Variants in SDF4 observed in about 807,000 individuals in gnomAD.
SDF4 encodes stromal cell derived factor 4.
A neutral mutation model predicts 34.2 loss-of-function variants in SDF4; 22 were observed. The ratio of observed to expected loss-of-function variants is 0.64; its 90% CI spans 0.46 to 0.92. SDF4 has a LOEUF of 0.92. Among genes scored for constraint, SDF4 ranks in the 40% least tolerant of loss-of-function variants. The pLI is 0.00. For missense variants in SDF4, 447 were observed against 499.9 expected (o/e 0.89, Z 1.01); for synonymous variants, 236 against 203.1 (o/e 1.16, Z -1.38).
rs1649631064 is a variant in SDF4 at position 1,217,968 on chromosome 1, G to A, written c.892-280C>T. ...ATCCCTAACCTGGGCCGGGCCCACT[G>A]GCTGTCGCCAGGAATCACAGGATTC... On this transcript the variant is annotated intron_variant, in intron 6 of 6. Coordinates refer to ENST00000360001, the MANE Select transcript of SDF4 (RefSeq NM_016176.6). This position sits in a 1 kb window ranked among gnomAD's most constrained non-coding sequence, Gnocchi z 8.5. Among the ~76,000 whole-genome samples, 1 of 152,204 alleles carries A rather than the reference G, an allele frequency of 6.6e-6. No homozygotes were observed. Among genetic ancestry groups the A allele is most frequent in the South Asian group, 2.1e-4 (1 of 4,836 alleles).
intron 2 of SDF4, among the ~76,000 whole-genome samples, chr1:1,226,792 G>A (rs114758303): frequency 0.019 from 2,831 of 152,282 alleles, 99 homozygotes; most frequent in African/African-American, 0.065. Flanking sequence ...AGCTGGAGAC[G>A]CACCGAGCAG....
At chr1:1,230,499 C>T (rs1443481803) in intron 1 of SDF4, among the ~76,000 whole-genome samples, 2 of 150,842 alleles carry the variant, frequency 1.3e-5, no homozygotes, top group African/African-American at 4.9e-5. Context: ...CTCACTCTGT[C>T]GCCCAGGCTG....
At chr1:1,223,088 C>G in intron 4 of SDF4, 156 bp downstream of exon 4, 1 of 633,312 alleles carries the variant, frequency 1.6e-6, no homozygotes, top group Non-Finnish European at 2.8e-6. Context: ...AGCACGCGCA[C>G]AGCACACTCG....
intron 2 of SDF4, among the ~76,000 whole-genome samples, chr1:1,227,868 C>G (rs2100984467): frequency 6.6e-6 from 1 of 152,310 alleles, no homozygotes; most frequent in Non-Finnish European, 1.5e-5. Context: ...CGGGACTCAG[C>G]AGGGTGGGGG....
chr1:1,226,744 G>A (rs2100982366), intron 2 of SDF4, among the ~76,000 whole-genome samples: 1 of 152,308 alleles, frequency 6.6e-6, no homozygotes, highest in Non-Finnish European at 1.5e-5. Context: ...GAGACAGCTT[G>A]GGGTTTCGTT....
At chr1:1,220,307 G>C (rs1385138416) in intron 4 of SDF4, 1 of 1,092,422 alleles carries the variant, frequency 9.2e-7, no homozygotes, top group East Asian at 7.4e-5. Context: ...GGCAGCGATG[G>C]AGGCGGGGGA....
In SDF4 at chr1:1,217,517, ACTC is replaced by A. The variant is rs1443675001; in HGVS notation, c.1060_1062del (p.Glu354del). ...CGCGGGGCGCGGCCGGGCGCTCAAA[ACTC>A]CTCGTGCACGCTGCGCGCGTAGTCC... On this transcript the variant is annotated inframe_deletion, in exon 7 of 7. Coordinates refer to ENST00000360001, the MANE Select transcript of SDF4 (RefSeq NM_016176.6). This position sits in a 1 kb window ranked among gnomAD's most constrained non-coding sequence, Gnocchi z 8.5. 1.9e-6 allele frequency: 3 copies of A among 1,590,294 alleles called. No individual in the cohort carries two copies. Among genetic ancestry groups the A allele is most frequent in the Non-Finnish European group, 8.6e-7 (1 of 1,167,192 alleles).
At chr1:1,226,337 C>T (rs115953853) in intron 2 of SDF4, among the ~76,000 whole-genome samples, 5 of 119,646 alleles carry the variant, frequency 4.2e-5, no homozygotes, top group East Asian at 2.8e-4. Flanking sequence ...ACCCTCAACC[C>T]TGTACGGTCA....
Position 1,228,678 on chromosome 1 carries a change from G to C in SDF4, c.95C>G (p.Ala32Gly). 1 of 1,613,030 alleles carries C rather than the reference G, an allele frequency of 6.2e-7. No individual in the cohort carries two copies. The highest frequency in any genetic ancestry group is 1.7e-5 in the Admixed American group (1 of 60,024). ...VLLMDASARP[A>G]NHSSTRERVA... ...TCTCTCTCGAGTGGACGAGTGGTTG[G>C]CAGGCCGTGCAGACGCGTCCATCAG... The change falls in exon 2 of 7, where the codon GCC becomes GGC. Residue 32 changes from alanine to glycine, a missense_variant. Coordinates refer to ENST00000360001, the MANE Select transcript of SDF4 (RefSeq NM_016176.6).
rs905351421 is a variant in SDF4, at chr1:1,217,999, A to G, written c.892-311T>C. Among the ~76,000 whole-genome samples the G allele has an allele frequency of 5.3e-5, 8 of 152,324 alleles. No homozygotes were observed. Among genetic ancestry groups the G allele is most frequent in the Middle Eastern group, 6.8e-3 (2 of 294 alleles). On this transcript the variant is annotated intron_variant, in intron 6 of 6. Transcript: ENST00000360001. The surrounding 1 kb of genome is among the most constrained non-coding windows in gnomAD (Gnocchi z 8.5). ...CGCCAGGAATCACAGGATTCTACAT[A>G]AAAACAAGATGACTCACTCAGCAGT...
chr1:1,220,479 C>G (rs1649877918), intron 4 of SDF4: 1 of 1,194,536 alleles, frequency 8.4e-7, no homozygotes, highest in African/African-American at 1.6e-5. Flanking sequence ...TCCCAGGCCC[C>G]TCCTCCAGGA....
intron 4 of SDF4, chr1:1,220,614 A>C (rs1649888151): frequency 2.3e-6 from 3 of 1,288,986 alleles, no homozygotes; most frequent in African/African-American, 3.0e-5. Context: ...GCACCTCAGC[A>C]TGCATGGGGA....
At position 1,223,248 on chromosome 1, in the gene SDF4, C is replaced by T. The variant is rs1650080697; in HGVS notation, c.552G>A (p.Glu184=). 1.2e-6 allele frequency: 2 copies of T among 1,611,822 alleles called. No homozygotes were observed. Among genetic ancestry groups the T allele is most frequent in the Non-Finnish European group, 8.5e-7 (1 of 1,177,932 alleles). The change falls in exon 4 of 7, where the codon GAG becomes GAA. Residue 184 remains glutamate (E), a synonymous_variant. Transcript: ENST00000360001. Reference sequence around the variant, plus strand: ...GGAGCCTGGCTGAGCACTCACTTTCCTCATCCACTTTGAGTTCCTCGTTGA... The same window carrying T: ...GGAGCCTGGCTGAGCACTCACTTTCTTCATCCACTTTGAGTTCCTCGTTGA... The part of the protein sequence containing the change: ...IRLNEELKVD[E]ETQEVLENLK...
At chr1:1,220,322 A>C (rs1570477419) in intron 4 of SDF4, 1 of 1,100,466 alleles carries the variant, frequency 9.1e-7, no homozygotes, top group Non-Finnish European at 1.1e-6. Flanking sequence ...GGGGGAAGGG[A>C]GTGATGCCCG....
chr1:1,228,845 C>A lies in SDF4; in HGVS notation c.-73G>T. The A allele has an allele frequency of 4.3e-6, 6 of 1,401,028 alleles. No homozygotes were observed. Among genetic ancestry groups the A allele is most frequent in the Non-Finnish European group, 4.8e-6 (5 of 1,035,738 alleles). The allele number at this position is 1,401,028 out of a possible 1,614,324, so 86.8% of individuals were successfully genotyped here. ...GTGCTGGGAGGGGCAGGGGCAGGGG[C>A]AGAGGAGGAAGTGAGGTCCTGGCTC... On this transcript the variant is annotated 5_prime_UTR_variant, in exon 2 of 7. Coordinates refer to ENST00000360001, the MANE Select transcript of SDF4 (RefSeq NM_016176.6).
In SDF4 at chr1:1,220,280, A is replaced by G. The variant is rs537023130; in HGVS notation, c.557-1353T>C. The G allele has an allele frequency of 2.8e-5, 30 of 1,074,520 alleles. No homozygotes were observed. In the South Asian group the frequency reaches 8.0e-4, roughly 29 times the overall value. 66.6% of individuals were successfully genotyped at this position (1,074,520 alleles called of 1,614,324 possible). A position where few individuals can be genotyped will look rare whatever the true frequency, so the allele number is the denominator to read the frequency against. On this transcript the variant is annotated intron_variant, in intron 4 of 6. Coordinates refer to ENST00000360001, the MANE Select transcript of SDF4 (RefSeq NM_016176.6). ...CGACTGCTGTCCCTGTGAGAAGAGG[A>G]CGCAGACCCAGAGAGAGGCAGCGAT... is the stretch of plus-strand genomic sequence containing the variant.
chr1:1,225,704 G>GGCCACACGCTCCACAC (rs918629218), intron 2 of SDF4, among the ~76,000 whole-genome samples: 1 of 151,302 alleles, frequency 6.6e-6, no homozygotes, highest in Non-Finnish European at 1.5e-5. Context: ...CACAGACACA[G>GGCCACACGCTCCACAC]GCCACACGCT....
rs1273943294 is a variant in SDF4 at position 1,217,407 on chromosome 1, G to C, written c.*105C>G. The C allele has an allele frequency of 1.9e-6, 2 of 1,027,924 alleles. No homozygotes were observed. Among genetic ancestry groups the C allele is most frequent in the Non-Finnish European group, 2.5e-6 (2 of 794,566 alleles). 63.7% of individuals were successfully genotyped at this position (1,027,924 alleles called of 1,614,324 possible). ...CAGCCGCGGTCGGTCGGCCGGTGGC[G>C]GGCGGCAGGGAAGAGGTGGGGTCCG... On this transcript the variant is annotated 3_prime_UTR_variant, in exon 7 of 7. Coordinates refer to ENST00000360001, the MANE Select transcript of SDF4 (RefSeq NM_016176.6). The surrounding 1 kb of genome is among the most constrained non-coding windows in gnomAD (Gnocchi z 8.5).
intron 1 of SDF4, 99 bp downstream of exon 1, chr1:1,231,793 G>A (rs1307500359): frequency 6.6e-6 from 1 of 152,240 alleles, no homozygotes; most frequent in Non-Finnish European, 1.5e-5. Context: ...CCCAGCCCAA[G>A]GCGGGAGGCG....
Sources: allele counts gnomAD v4.1 joint callset (sites outside exome capture counted in the v4.1 genomes callset), GRCh38; gene constraint gnomAD v4.1.1; non-coding constraint Gnocchi (gnomAD v3.1); transcripts MANE v1.5; gene names NCBI Gene and HGNC (gene_info 2026-07-23, HGNC 2026-07-21).